COL20A1: variants seen among roughly 807,000 people sequenced by gnomAD.
COL20A1 encodes collagen type XX alpha 1 chain.
In COL20A1, 164 loss-of-function variants were observed where a neutral mutation model predicts 152.9. That is an observed-to-expected ratio of 1.07 (90% CI 0.94 to 1.22). The LOEUF (loss-of-function observed/expected upper bound fraction) is 1.22, where lower values mean the gene tolerates loss of function less well. Among genes scored for constraint, COL20A1 ranks in the 50% most tolerant of loss-of-function variants. COL20A1 has a pLI of 0.00. For synonymous variants in COL20A1, 864 were observed against 756.0 expected (o/e 1.14, Z -2.34); for missense variants, 1,873 against 1,744.8 (o/e 1.07, Z -1.31).
At chr20:63,316,072 A>G (rs2068080015) in intron 20 of COL20A1, among the ~76,000 whole-genome samples, 1 of 152,038 alleles carries the variant, frequency 6.6e-6, no homozygotes, top group Non-Finnish European at 1.5e-5. Context: ...GGGTGGATGG[A>G]GCGAGCTGGC....
chr20:63,313,920 C>T lies in COL20A1; in HGVS notation c.2358+29C>T, dbSNP rs758458122. The T allele has an allele frequency of 6.9e-6, 11 of 1,583,946 alleles. No homozygotes were observed. The highest frequency in any genetic ancestry group is 1.8e-5 in the Admixed American group (1 of 56,694). ...AGTCTTGGTAGAGCCTGAGGCTGCC[C>T]CACCTCGTGGGGCCTCCTGGAAGGG... On this transcript the variant is annotated intron_variant, in intron 18 of 35. Coordinates refer to ENST00000358894, the MANE Select transcript of COL20A1 (RefSeq NM_020882.4). This position sits in a 1 kb window ranked among gnomAD's most constrained non-coding sequence, Gnocchi z 5.9.
chr20:63,327,017 A>AC (rs746182491), intron 31 of COL20A1, among the ~76,000 whole-genome samples, 194 bp downstream of exon 31: 2 of 150,610 alleles, frequency 1.3e-5, no homozygotes, highest in East Asian at 2.0e-4. Context: ...CTTCCTGTTG[A>AC]CCCCCCTAGG....
At chr20:63,322,564 G>A (rs1191051970) in intron 27 of COL20A1, among the ~76,000 whole-genome samples, 2 of 152,160 alleles carry the variant, frequency 1.3e-5, no homozygotes, top group Non-Finnish European at 2.9e-5. Flanking sequence ...GCGCATGCGC[G>A]GCGTGCAGGG....
chr20:63,320,405 G>A, intron 25 of COL20A1, 37 bp downstream of exon 25: 2 of 1,591,538 alleles, frequency 1.3e-6, no homozygotes, highest in Non-Finnish European at 1.7e-6. Flanking sequence ...CACGAAGCAA[G>A]TTAGGGCAAG....
rs947923315 is a variant in COL20A1, at chr20:63,319,419, G to A, written c.2807-68G>A. On this transcript the variant is annotated intron_variant, in intron 22 of 35. Coordinates refer to ENST00000358894, the MANE Select transcript of COL20A1 (RefSeq NM_020882.4). The surrounding 1 kb of genome is among the most constrained non-coding windows in gnomAD (Gnocchi z 4.4). ...CTGCTCCTGTCCTGTCGTGGGGGCCGCCCTGCTCAAGGTATAGGCCCGGCT... is the reference window on the plus strand; with the variant it reads ...CTGCTCCTGTCCTGTCGTGGGGGCCACCCTGCTCAAGGTATAGGCCCGGCT... The A allele has an allele frequency of 8.5e-5, 109 of 1,280,564 alleles. No individual in the cohort carries two copies. Among genetic ancestry groups the A allele is most frequent in the Non-Finnish European group, 1.1e-4 (96 of 912,718 alleles). 79.3% of individuals were successfully genotyped at this position (1,280,564 alleles called of 1,614,324 possible).
At chr20:63,322,663 C>T (rs1011922752) in intron 27 of COL20A1, among the ~76,000 whole-genome samples, 1 of 152,244 alleles carries the variant, frequency 6.6e-6, no homozygotes, top group African/African-American at 2.4e-5. Flanking sequence ...CCACCCCAGG[C>T]GCCAAAGGGC....
chr20:63,308,915 C>T (rs1427643594), intron 8 of COL20A1, among the ~76,000 whole-genome samples: 2 of 152,124 alleles, frequency 1.3e-5, no homozygotes, highest in Non-Finnish European at 2.9e-5. Context: ...TGTTTGGTGC[C>T]CTCCGTGGAA....
At chr20:63,301,229 C>T (rs919251869) in intron 3 of COL20A1, among the ~76,000 whole-genome samples, 2 of 152,112 alleles carry the variant, frequency 1.3e-5, no homozygotes, top group Admixed American at 6.5e-5. Context: ...GCAGGAGAAT[C>T]GCTTGAACCT....
In COL20A1 at chr20:63,319,587, C is replaced by T. The variant is rs2068131611; in HGVS notation, c.2907C>T (p.Ser969=). 2.5e-6 allele frequency: 4 copies of T among 1,577,290 alleles called. No homozygotes were observed. Among genetic ancestry groups the T allele is most frequent in the Admixed American group, 1.8e-5 (1 of 55,276 alleles). ...PQEVRKIFFG[S]FHKVHVAVGR... is the part of the protein sequence containing the mutation. ...AAGTGAGGAAGATTTTCTTCGGGAG[C>T]TTCCACAAGGTCCTGGTGCAGCTCG... Residue 969 remains serine (S), a synonymous_variant, in exon 23 of 36, where the codon AGC becomes AGT. Coordinates refer to ENST00000358894, the MANE Select transcript of COL20A1 (RefSeq NM_020882.4). The surrounding 1 kb of genome is among the most constrained non-coding windows in gnomAD (Gnocchi z 4.4).
intron 35 of COL20A1, among the ~76,000 whole-genome samples, chr20:63,330,146 C>T (rs1462114859): frequency 1.3e-5 from 2 of 152,108 alleles, no homozygotes; most frequent in Admixed American, 1.3e-4. Flanking sequence ...ACCAGGTAAC[C>T]TCTGCCTTCC....
At position 63,311,295 on chromosome 20, in the gene COL20A1, C is replaced by G. The variant is rs571745452; in HGVS notation, c.1394-99C>G. On this transcript the variant is annotated intron_variant, in intron 11 of 35. Coordinates refer to ENST00000358894, the MANE Select transcript of COL20A1 (RefSeq NM_020882.4). This position sits in a 1 kb window ranked among gnomAD's most constrained non-coding sequence, Gnocchi z 4.4. ...CTTTGAATCCTGTGCACCTGCCAGG[C>G]GGTGGCCGTGCCCACCCACTCTGGT... 2.8e-5 allele frequency: 36 copies of G among 1,268,880 alleles called. No homozygotes were observed. In the East Asian group the frequency reaches 9.2e-4, roughly 33 times the overall value. The allele number at this position is 1,268,880 out of a possible 1,614,324, so 78.6% of individuals were successfully genotyped here.
At chr20:63,323,893 A>T (rs939449898) in intron 27 of COL20A1, among the ~76,000 whole-genome samples, 4 of 152,190 alleles carry the variant, frequency 2.6e-5, no homozygotes, top group African/African-American at 9.7e-5. Flanking sequence ...TAAACAATTC[A>T]GTTGGTGTTT....
intron 3 of COL20A1, among the ~76,000 whole-genome samples, chr20:63,302,755 T>C (rs1322700262): frequency 6.6e-6 from 1 of 152,242 alleles, no homozygotes; most frequent in Non-Finnish European, 1.5e-5. Context: ...TTGACATTTA[T>C]TTGTAGAAGA....
chr20:63,319,295 C>T lies in COL20A1; in HGVS notation c.2806+95C>T. ...AGGCCTTCAGAGGAAGTCCAGCCTC[C>T]AGGCCAGGCCCTCAGCACCCTCTGG... On this transcript the variant is annotated intron_variant, in intron 22 of 35. Coordinates refer to ENST00000358894, the MANE Select transcript of COL20A1 (RefSeq NM_020882.4). The surrounding 1 kb of genome is among the most constrained non-coding windows in gnomAD (Gnocchi z 4.4). 4 of 1,359,874 alleles carry T rather than the reference C, an allele frequency of 2.9e-6. No individual in the cohort carries two copies. Among genetic ancestry groups the T allele is most frequent in the South Asian group, 2.8e-5 (2 of 72,108 alleles). The allele number at this position is 1,359,874 out of a possible 1,614,324, so 84.2% of individuals were successfully genotyped here.
In COL20A1 at chr20:63,320,320, C is replaced by T. The variant is rs373367639; in HGVS notation, c.3105C>T (p.Cys1035=). The change falls in exon 25 of 36, where the codon TGC becomes TGT. Residue 1035 remains cysteine (C), a synonymous_variant. Transcript: ENST00000358894. The part of the protein sequence containing the change: ...AFQLQMLQIV[C]SDTWADEDRC... The stretch of plus-strand genomic sequence containing the variant: ...AGCTCCAGATGCTGCAGATCGTGTG[C>T]AGTGACACCTGGGCCGATGAGGACC... 40 of 1,610,916 alleles carry T rather than the reference C, an allele frequency of 2.5e-5. 1 individual carries two copies. The highest frequency in any genetic ancestry group is 3.3e-5 in the Non-Finnish European group (39 of 1,179,844).
chr20:63,308,150 C>T lies in COL20A1; in HGVS notation c.775+60C>T. 11 of 1,587,176 alleles carry T rather than the reference C, an allele frequency of 6.9e-6. No homozygotes were observed. In the South Asian group the frequency reaches 1.1e-4, roughly 16 times the overall value. ...GGGCGGACCTCCTTCTGCCGCCCTC[C>T]CAGATCCCGAAAGCTTGTGTGTAAA... is the stretch of plus-strand genomic sequence containing the variant. On this transcript the variant is annotated intron_variant, in intron 7 of 35. Coordinates refer to ENST00000358894, the MANE Select transcript of COL20A1 (RefSeq NM_020882.4).
At chr20:63,317,044 C>G (rs572542373) in intron 21 of COL20A1, among the ~76,000 whole-genome samples, 2 of 152,318 alleles carry the variant, frequency 1.3e-5, no homozygotes, top group East Asian at 3.9e-4. Context: ...TTAGAGGAAG[C>G]GATCACTCAA....
At chr20:63,326,025 G>A (rs2068241719) in intron 29 of COL20A1, 71 bp from the exon 30 acceptor site, 4 of 1,355,034 alleles carry the variant, frequency 3.0e-6, no homozygotes, top group Non-Finnish European at 4.2e-6. Flanking sequence ...GTGCTGCTGG[G>A]GGGCTGTCAC....
chr20:63,327,629 G>A (rs2068271110), intron 31 of COL20A1: 1 of 377,534 alleles, frequency 2.6e-6, no homozygotes, highest in South Asian at 3.2e-5. Context: ...CCGGGGCCCG[G>A]GAGGGGTCTG....
Sources: allele counts gnomAD v4.1 joint callset (sites outside exome capture counted in the v4.1 genomes callset), GRCh38; gene constraint gnomAD v4.1.1; non-coding constraint Gnocchi (gnomAD v3.1); transcripts MANE v1.5; gene names NCBI Gene and HGNC (gene_info 2026-07-23, HGNC 2026-07-21).